The following ARHGEF3 variants were observed in gnomAD, a reference collection of about 807,000 sequenced individuals.
ARHGEF3 encodes the protein 59.8 kDA protein.
A neutral mutation model predicts 63.2 loss-of-function variants in ARHGEF3; 28 were observed. The observed-to-expected ratio is 0.44, with a 90% CI of 0.33 to 0.61. The LOEUF (loss-of-function observed/expected upper bound fraction) is 0.61, where lower values mean the gene tolerates loss of function less well. Ranked by LOEUF, ARHGEF3 falls within the 20% of genes least tolerant of loss-of-function variation. The pLI, the probability that ARHGEF3 is intolerant of heterozygous loss-of-function variation, is 0.03. For missense variants in ARHGEF3, 533 were observed against 659.3 expected, an observed-to-expected ratio of 0.81 and a Z score of 2.10; for synonymous variants, 266 against 254.2, an observed-to-expected ratio of 1.05 and a Z score of -0.44.
intron 6 of ARHGEF3, among the ~76,000 whole-genome samples, 181 bp from the exon 7 acceptor site, chr3:56,745,643 T>C (rs1189926992): frequency 6.6e-6 from 1 of 152,090 alleles, no homozygotes. Context: ...CAGTGGACAA[T>C]TTTCTTAGGC....
intron 4 of ARHGEF3, among the ~76,000 whole-genome samples, chr3:56,848,001 A>G (rs2039546040): frequency 6.6e-6 from 1 of 152,332 alleles, no homozygotes; most frequent in Admixed American, 6.5e-5. Flanking sequence ...GCCAACACAC[A>G]GAGATGGAGA....
chr3:56,947,043 G>A (rs1699541883), intron 3 of ARHGEF3, among the ~76,000 whole-genome samples: 2 of 152,044 alleles, frequency 1.3e-5, no homozygotes, highest in Admixed American at 1.3e-4. Flanking sequence ...CAGAAGTGAA[G>A]GAGAAATAAA....
rs1246166063 is a variant in ARHGEF3 at position 56,936,860 on chromosome 3, CA to C, written c.129+21962del. ...TCAGCTGCCCAAGTAGCTGAGACTA[CA>C]GGCATGCACCACCAAGCCTGGCTAA... On this transcript the variant is annotated intron_variant, in intron 3 of 12. Transcript: ENST00000338458. Among the ~76,000 whole-genome samples the C allele has an allele frequency of 2.0e-5, 3 of 152,278 alleles. No individual in the cohort carries two copies. The East Asian group carries it at 5.8e-4, about 29-fold the overall frequency.
At chr3:56,797,117 G>A (rs763492885) in intron 1 of ARHGEF3, among the ~76,000 whole-genome samples, 4 of 152,096 alleles carry the variant, frequency 2.6e-5, no homozygotes, top group African/African-American at 9.7e-5. Context: ...CTAGGAGTTA[G>A]AGCTCTCATC....
intron 1 of ARHGEF3, among the ~76,000 whole-genome samples, chr3:57,065,490 A>C (rs887022878): frequency 6.6e-6 from 1 of 152,138 alleles, no homozygotes; most frequent in Admixed American, 6.6e-5. Flanking sequence ...TTACTTGCAA[A>C]AGAAAAACTG....
At chr3:57,030,415 A>T (rs531475549) in intron 2 of ARHGEF3, among the ~76,000 whole-genome samples, 2 of 152,330 alleles carry the variant, frequency 1.3e-5, no homozygotes, top group African/African-American at 4.8e-5. Flanking sequence ...TCTGCAGGGA[A>T]TGCCTAATCC....
chr3:56,839,896 G>A (rs2039253518), intron 4 of ARHGEF3, among the ~76,000 whole-genome samples: 1 of 152,102 alleles, frequency 6.6e-6, no homozygotes. Flanking sequence ...GAAAGAAAGT[G>A]GTACAATCCC....
intron 2 of ARHGEF3, among the ~76,000 whole-genome samples, chr3:56,993,360 G>C (rs922554341): frequency 6.6e-6 from 1 of 151,904 alleles, no homozygotes; most frequent in Non-Finnish European, 1.5e-5. Context: ...TAACTTTGTG[G>C]GGGTTTTTTG....
At chr3:57,032,710 G>T (rs62250290) in intron 2 of ARHGEF3, among the ~76,000 whole-genome samples, 17,948 of 152,254 alleles carry the variant, frequency 0.12, 1,414 homozygotes, top group Non-Finnish European at 0.17. Context: ...CAATGCTGAT[G>T]GCATCAGTGA....
chr3:56,815,486 T>G (rs942844767), intron 4 of ARHGEF3, among the ~76,000 whole-genome samples: 19 of 152,220 alleles, frequency 1.2e-4, no homozygotes, highest in African/African-American at 4.6e-4. Flanking sequence ...TAATATTTTA[T>G]GAAGGCTCAT....
intron 1 of ARHGEF3, among the ~76,000 whole-genome samples, chr3:57,037,215 G>A (rs1257646105): frequency 6.6e-6 from 1 of 152,132 alleles, no homozygotes; most frequent in Non-Finnish European, 1.5e-5. Context: ...TGGAAGGGTG[G>A]TGGGACTTGA....
At chr3:56,958,640 G>T (rs571689129) in intron 3 of ARHGEF3, among the ~76,000 whole-genome samples, 28 of 152,176 alleles carry the variant, frequency 1.8e-4, no homozygotes, top group African/African-American at 6.5e-4. Context: ...CCACCACTTG[G>T]AGTTTTTACT....
At position 56,891,306 on chromosome 3, in the gene ARHGEF3, C is replaced by T. The variant is rs575441044; in HGVS notation, c.130-8952G>A. Among the ~76,000 whole-genome samples, 14 of 151,356 alleles carry T rather than the reference C, an allele frequency of 9.2e-5. No individual in the cohort carries two copies. The South Asian group carries it at 2.7e-3, about 29-fold the overall frequency. ...GTGCTGGGATTACAGGTGTGACCCA[C>T]CGTGCCTGGCCCCTACTCCATTTTT... is the stretch of plus-strand genomic sequence containing the variant. On this transcript the variant is annotated intron_variant, in intron 3 of 12. Coordinates refer to the ARHGEF3 transcript ENST00000338458.
At chr3:56,944,815 G>A (rs1014194521) in intron 3 of ARHGEF3, among the ~76,000 whole-genome samples, 3 of 152,006 alleles carry the variant, frequency 2.0e-5, no homozygotes, top group African/African-American at 7.2e-5. Flanking sequence ...CTGACCTCAA[G>A]TGATCCACCC....
At chr3:56,890,556 T>C (rs2108280462) in intron 3 of ARHGEF3, among the ~76,000 whole-genome samples, 1 of 152,328 alleles carries the variant, frequency 6.6e-6, no homozygotes, top group South Asian at 2.1e-4. Flanking sequence ...GTATTAGAGA[T>C]GGCAGGATCC....
intron 3 of ARHGEF3, among the ~76,000 whole-genome samples, chr3:56,902,676 T>C (rs2041553970): frequency 6.6e-6 from 1 of 152,200 alleles, no homozygotes; most frequent in Non-Finnish European, 1.5e-5. Flanking sequence ...ATGAGGACCC[T>C]GTGTGCCTGC....
At chr3:56,740,767 T>G in intron 7 of ARHGEF3, among the ~76,000 whole-genome samples, 1 of 152,216 alleles carries the variant, frequency 6.6e-6, no homozygotes, top group East Asian at 1.9e-4. Flanking sequence ...CTGTGACTTC[T>G]CAGTTAACTG....
At chr3:56,882,727 C>G (rs903097180) in intron 3 of ARHGEF3, among the ~76,000 whole-genome samples, 3 of 152,112 alleles carry the variant, frequency 2.0e-5, no homozygotes, top group African/African-American at 7.2e-5. Context: ...CCATGTTGGT[C>G]AGGCTGGTCT....
At chr3:56,752,582 C>T (rs1311442767) in intron 4 of ARHGEF3, among the ~76,000 whole-genome samples, 1 of 152,092 alleles carries the variant, frequency 6.6e-6, no homozygotes, top group Non-Finnish European at 1.5e-5. Flanking sequence ...ATGGTTGAAA[C>T]GAAAGAGAAA....
Sources: allele counts gnomAD v4.1 joint callset (sites outside exome capture counted in the v4.1 genomes callset), GRCh38; gene constraint gnomAD v4.1.1; transcripts MANE v1.5; gene names NCBI Gene and HGNC (gene_info 2026-07-23, HGNC 2026-07-21).